The following USP9Y variants were observed in gnomAD, a reference collection of about 807,000 sequenced individuals.
USP9Y encodes the protein ubiquitin carboxyl-terminal hydrolase 9Y.
USP9Y carries 41 observed loss-of-function variants against 53.1 expected under a neutral mutation model. The ratio of observed to expected loss-of-function variants is 0.77; its 90% CI spans 0.60 to 1.00. USP9Y has a LOEUF of 1.00. USP9Y is among the 50% of genes least tolerant of loss of function. USP9Y has a pLI of 0.00. For synonymous variants in USP9Y, 220 were observed against 173.7 expected (o/e 1.27, Z -2.09); for missense variants, 567 against 535.8 (o/e 1.06, Z -0.58).
chrY:12,847,309 A>C lies in USP9Y; in HGVS notation c.7046A>C (p.Asp2349Ala). The C allele has an allele frequency of 2.6e-6, 1 of 390,667 alleles. No individual in the cohort carries two copies. Among genetic ancestry groups the C allele is most frequent in the Non-Finnish European group, 3.6e-6 (1 of 276,849 alleles). The change falls in exon 42 of 46, where the codon GAC (aspartate) becomes GCC (alanine). Residue 2349 changes from aspartate (D) to alanine (A), a missense_variant. Asp to Ala is a moderately radical substitution (Grantham distance 126). Transcript: ENST00000338981. ...DLLFQILLIE[D>A]SWQTHRIHNA... ...CTTTTCCAAATTTTACTGATTGAGG[A>C]CTCCTGGCAGACTCACAGGTGAATA...
chrY:12,837,034 C>G (rs971210684), intron 34 of USP9Y, among the ~76,000 whole-genome samples: 2 of 32,956 alleles, frequency 6.1e-5, no homozygotes, highest in East Asian at 1.6e-3. Flanking sequence ...AGGCTGGGCA[C>G]GATGGCTCAC....
chrY:12,841,173 T>C (rs1286960754), intron 37 of USP9Y, 40 bp downstream of exon 37: 2 of 363,063 alleles, frequency 5.5e-6, no homozygotes, highest in Non-Finnish European at 7.7e-6. Context: ...TACTTATAGT[T>C]GTTTGGTTCT....
At chrY:12,833,315 A>G in intron 33 of USP9Y, among the ~76,000 whole-genome samples, 4 of 33,779 alleles carry the variant, frequency 1.2e-4, no homozygotes, top group African/African-American at 4.6e-4. Flanking sequence ...TCTTTTCACT[A>G]TATCACCAGA....
Position 12,810,792 on chromosome Y carries a change from G to A in USP9Y, c.4213G>A (p.Glu1405Lys). 2.5e-6 allele frequency: 1 copy of A among 397,875 alleles called. No homozygotes were observed. Among genetic ancestry groups the A allele is most frequent in the Non-Finnish European group, 3.5e-6 (1 of 282,903 alleles). ...CAATGCTGAAGTTCTTCTTGTCAGT[G>A]AAATTGATTGGCTCAAAAGGATTAG... ...IPNAEVLLVS[E>K]IDWLKRIRDN... The change falls in exon 29 of 46, where the codon GAA (glutamate) becomes AAA (lysine). Residue 1405 changes from glutamate (E) to lysine (K), a missense_variant. By Grantham distance (56) the Glu-to-Lys change is moderately conservative. Coordinates refer to ENST00000338981, the MANE Select transcript of USP9Y (RefSeq NM_004654.4).
Position 12,842,243 on chromosome Y carries a change from T to C in USP9Y, c.6216T>C (p.Tyr2072=). The C allele has an allele frequency of 7.5e-6, 3 of 397,489 alleles. No individual in the cohort carries two copies. Among genetic ancestry groups the C allele is most frequent in the Non-Finnish European group, 1.1e-5 (3 of 282,375 alleles). The change falls in exon 38 of 46, where the codon TAT becomes TAC. Residue 2072 remains tyrosine (Y), a synonymous_variant. Transcript: ENST00000338981. ...KIVRGPASDW[Y]DALCVLLRHS... The stretch of plus-strand genomic sequence containing the variant: ...TTCATAGATGTTTCTGTTTTAGGTA[T>C]GATGCACTGTGCGTTCTTCTCCGTC...
In USP9Y at chrY:12,720,662, C is replaced by T; in HGVS notation, c.170C>T (p.Ala57Val). Residue 57 changes from alanine to valine, a missense_variant, in exon 4 of 46, where the codon GCC (alanine) becomes GTC (valine). Coordinates refer to ENST00000338981, the MANE Select transcript of USP9Y (RefSeq NM_004654.4). ...CCAGAGGAACAAGGGCAAGGTGATG[C>T]CCCACCACAGCATGAAGATGAAGAG... ...PPPEEQGQGD[A>V]PPQHEDEEPA... 2.5e-6 allele frequency: 1 copy of T among 397,754 alleles called. No homozygotes were observed. The highest frequency in any genetic ancestry group is 3.5e-6 in the Non-Finnish European group (1 of 282,670).
At chrY:12,815,857 A>G in intron 31 of USP9Y, among the ~76,000 whole-genome samples, 1 of 34,724 alleles carries the variant, frequency 2.9e-5, no homozygotes, top group Admixed American at 2.6e-4. Context: ...GATGACAGGC[A>G]TGAGGCACGG....
chrY:12,719,676 A>G (rs2053433445), intron 3 of USP9Y, among the ~76,000 whole-genome samples: 1 of 33,124 alleles, frequency 3.0e-5, no homozygotes, highest in African/African-American at 1.2e-4. Flanking sequence ...CCTTAAGGAG[A>G]TAATTCATAA....
Position 12,757,208 on chromosome Y carries a change from C to T in USP9Y, c.1439C>T (p.Ala480Val). The change falls in exon 13 of 46, where the codon GCA (alanine) becomes GTA (valine). Residue 480 changes from alanine (A) to valine (V), a missense_variant. By Grantham distance (64) the Ala-to-Val change is moderately conservative. Coordinates refer to ENST00000338981, the MANE Select transcript of USP9Y (RefSeq NM_004654.4). ...FDCFKASWTN[A>V]SKKQREKLLE... is the part of the protein sequence containing the mutation. Reference sequence around the variant, plus strand: ...TTTCTTTAGGCAAGTTGGACAAATGCAAGTAAAAAGCAACGTGAAAAGCTC... The same window carrying T: ...TTTCTTTAGGCAAGTTGGACAAATGTAAGTAAAAAGCAACGTGAAAAGCTC... The T allele has an allele frequency of 2.5e-6, 1 of 396,460 alleles. No individual in the cohort carries two copies. Among genetic ancestry groups the T allele is most frequent in the South Asian group, 3.0e-5 (1 of 33,609 alleles).
At chrY:12,819,816 ATTTGGCCTCT>A (rs2053539300) in intron 33 of USP9Y, among the ~76,000 whole-genome samples, 1 of 31,909 alleles carries the variant, frequency 3.1e-5, no homozygotes, top group African/African-American at 1.2e-4. Flanking sequence ...GACCAATAAA[ATTTGGCCTCT>A]TTTTAGGTTT....
chrY:12,737,019 A>G (rs2053452581), intron 10 of USP9Y, among the ~76,000 whole-genome samples: 14 of 29,053 alleles, frequency 4.8e-4, no homozygotes, highest in Non-Finnish European at 9.8e-4. Flanking sequence ...TCCATCACCC[A>G]GTCTGGAGTG....
At chrY:12,748,416 G>A in intron 12 of USP9Y, among the ~76,000 whole-genome samples, 2 of 33,385 alleles carry the variant, frequency 6.0e-5, no homozygotes, top group African/African-American at 1.2e-4. Flanking sequence ...TTTAAGTAAG[G>A]CTTATTTTAG....
chrY:12,770,031 C>T, intron 15 of USP9Y, among the ~76,000 whole-genome samples: 1 of 33,581 alleles, frequency 3.0e-5, no homozygotes, highest in East Asian at 8.0e-4. Context: ...ATCTGCCTGC[C>T]TCTGCCTAGC....
intron 3 of USP9Y, among the ~76,000 whole-genome samples, chrY:12,714,977 C>G: frequency 3.1e-5 from 1 of 31,768 alleles, no homozygotes; most frequent in East Asian, 8.3e-4. Flanking sequence ...ACGATTAAGT[C>G]TCAATGTCGT....
At chrY:12,807,578 G>A (rs2053525946) in intron 27 of USP9Y, among the ~76,000 whole-genome samples, 1 of 27,926 alleles carries the variant, frequency 3.6e-5, no homozygotes. Flanking sequence ...TACCCAGGAT[G>A]GTCTCGATCT....
chrY:12,799,328 T>C, intron 27 of USP9Y, among the ~76,000 whole-genome samples: 3 of 33,493 alleles, frequency 9.0e-5, no homozygotes, highest in African/African-American at 3.5e-4. Flanking sequence ...TCCAGCTTGC[T>C]TGTCTATGTC....
At chrY:12,726,907 T>G in intron 7 of USP9Y, 114 bp downstream of exon 7, 1 of 190,976 alleles carries the variant, frequency 5.2e-6, no homozygotes. Flanking sequence ...ATACATAGTC[T>G]TGTTTTATGT....
At chrY:12,801,007 A>G (rs2053518751) in intron 27 of USP9Y, among the ~76,000 whole-genome samples, 6 of 33,729 alleles carry the variant, frequency 1.8e-4, no homozygotes, top group African/African-American at 7.0e-4. Context: ...AAAGTAAGAA[A>G]TGATGTAATG....
chrY:12,854,488 C>T (rs2053573933), intron 42 of USP9Y, among the ~76,000 whole-genome samples: 1 of 33,795 alleles, frequency 3.0e-5, no homozygotes, highest in Non-Finnish European at 7.4e-5. Context: ...CTGCAACCTC[C>T]GTCTCCCGGA....
Sources: gnomAD v4.1 joint callset for allele counts (sites outside exome capture counted in the v4.1 genomes callset) on GRCh38, gnomAD v4.1.1 for gene constraint, MANE v1.5 for transcripts, NCBI Gene and HGNC (gene_info 2026-07-23, HGNC 2026-07-21) for gene names.